FAT3: variants seen among roughly 807,000 people sequenced by gnomAD.
FAT3 encodes protocadherin Fat 3.
In FAT3, 95 loss-of-function variants were observed where a neutral mutation model predicts 310.2. The ratio of observed to expected loss-of-function variants is 0.31; its 90% confidence interval spans 0.26 to 0.36. The LOEUF is 0.36. Among genes scored for constraint, FAT3 ranks in the 10% least tolerant of loss-of-function variants. The pLI, the probability that FAT3 is intolerant of heterozygous loss-of-function variation, is 1.00. For synonymous variants in FAT3, 2,314 were observed against 2,192.9 expected, an observed-to-expected ratio of 1.06 and a Z score of -1.54; for missense variants, 5,408 against 5,715.6, an observed-to-expected ratio of 0.95 and a Z score of 1.74.
intron 4 of FAT3, among the ~76,000 whole-genome samples, chr11:92,702,819 A>G (rs1791556): frequency 0.036 from 5,433 of 152,278 alleles, 332 homozygotes; most frequent in African/African-American, 0.12. Flanking sequence ...GTTCTGATAA[A>G]AGTCTCCCAA....
At chr11:92,415,541 G>T (rs1279370443) in intron 2 of FAT3, among the ~76,000 whole-genome samples, 2 of 152,136 alleles carry the variant, frequency 1.3e-5, no homozygotes, top group Non-Finnish European at 2.9e-5. Context: ...GGCCTTATTA[G>T]ACTGTACTCT....
chr11:92,560,520 C>A lies in FAT3; in HGVS notation c.3607+35572C>A, dbSNP rs556608959. Reference sequence around the variant, plus strand: ...CAGCCCATTGCCAAATCCAAGGTCACAAAAATTTACCCCTGTGTTTTCCTT... The same window carrying A: ...CAGCCCATTGCCAAATCCAAGGTCAAAAAAATTTACCCCTGTGTTTTCCTT... On this transcript the variant is annotated intron_variant, in intron 3 of 27. Coordinates refer to ENST00000525166, the MANE Select transcript of FAT3 (RefSeq NM_001367949.2). Among the ~76,000 whole-genome samples the A allele has an allele frequency of 3.3e-5, 5 of 151,996 alleles. No individual in the cohort carries two copies. In the South Asian group the frequency reaches 8.3e-4, roughly 25 times the overall value.
chr11:92,413,707 C>T (rs1175276840), intron 2 of FAT3, among the ~76,000 whole-genome samples: 4 of 152,258 alleles, frequency 2.6e-5, no homozygotes, highest in South Asian at 4.2e-4. Flanking sequence ...GAAATAGTAT[C>T]GGGGTGGGTT....
intron 3 of FAT3, among the ~76,000 whole-genome samples, chr11:92,562,459 T>C (rs1714325730): frequency 6.6e-6 from 1 of 152,206 alleles, no homozygotes; most frequent in Non-Finnish European, 1.5e-5. Context: ...TCAGTCTTCT[T>C]ACCTGTAAAG....
At chr11:92,397,262 T>A (rs906348076) in intron 2 of FAT3, among the ~76,000 whole-genome samples, 1 of 152,110 alleles carries the variant, frequency 6.6e-6, no homozygotes. Flanking sequence ...AAGCAGTACA[T>A]TTGCCCAGAT....
At chr11:92,861,791 T>C (rs3847550) in intron 21 of FAT3, among the ~76,000 whole-genome samples, 58,949 of 152,168 alleles carry the variant, frequency 0.39, 11,600 homozygotes, top group East Asian at 0.47. Flanking sequence ...AGGTACAGTA[T>C]GTGCCTTGCA....
intron 1 of FAT3, among the ~76,000 whole-genome samples, chr11:92,293,550 A>C (rs1412356211): frequency 5.8e-5 from 1 of 17,120 alleles, no homozygotes; most frequent in African/African-American, 2.1e-4. Context: ...ATATATATAT[A>C]TAAATAAAAT....
At chr11:92,606,305 C>T (rs1940295269) in intron 3 of FAT3, among the ~76,000 whole-genome samples, 1 of 152,164 alleles carries the variant, frequency 6.6e-6, no homozygotes, top group African/African-American at 2.4e-5. Flanking sequence ...TGGCATGAAG[C>T]CACACCATCC....
At chr11:92,796,916 C>A (rs1298632638) in intron 9 of FAT3, among the ~76,000 whole-genome samples, 2 of 152,208 alleles carry the variant, frequency 1.3e-5, no homozygotes, top group African/African-American at 4.8e-5. Context: ...CAGAGCCCTT[C>A]CCCTGCCAGC....
intron 1 of FAT3, among the ~76,000 whole-genome samples, chr11:92,334,976 G>C (rs149074773): frequency 3.3e-4 from 50 of 152,278 alleles, no homozygotes; most frequent in South Asian, 1.0e-3. Context: ...GTGTCACCAG[G>C]ATCTTGATGA....
rs1942995869 is a variant in FAT3, at chr11:92,667,572, T to C, written c.3608-29812T>C. 1.3e-5 allele frequency among the ~76,000 whole-genome samples: 2 copies of C among 152,210 alleles called. 1 individual carries two copies. The highest frequency in any genetic ancestry group is 2.9e-5 in the Non-Finnish European group (2 of 68,036). Reference sequence around the variant, plus strand: ...CAGAGTGCTGACAGTCAAGATCTTATTGAATGGGGCTGCCTGCAGAGGAGC... The same window carrying C: ...CAGAGTGCTGACAGTCAAGATCTTACTGAATGGGGCTGCCTGCAGAGGAGC... On this transcript the variant is annotated intron_variant, in intron 3 of 27. Transcript: ENST00000525166.
intron 3 of FAT3, among the ~76,000 whole-genome samples, chr11:92,533,963 G>A (rs4753063): frequency 0.5 from 76,120 of 151,942 alleles, 19,291 homozygotes; most frequent in Non-Finnish European, 0.55. Context: ...GATTGATTAA[G>A]GTCATAAATT....
intron 2 of FAT3, among the ~76,000 whole-genome samples, chr11:92,410,328 G>A (rs997767971): frequency 2.6e-5 from 4 of 151,956 alleles, no homozygotes; most frequent in East Asian, 1.9e-4. Context: ...GTGTGTGCAC[G>A]CGAGTGAGAG....
chr11:92,821,642 G>A (rs1187011733), intron 13 of FAT3, among the ~76,000 whole-genome samples: 1 of 152,160 alleles, frequency 6.6e-6, no homozygotes, highest in Non-Finnish European at 1.5e-5. Context: ...TCTGTTTTAA[G>A]TCTTTCTCTA....
chr11:92,544,344 C>G (rs1954550380), intron 3 of FAT3, among the ~76,000 whole-genome samples: 1 of 151,992 alleles, frequency 6.6e-6, no homozygotes, highest in Non-Finnish European at 1.5e-5. Context: ...TTGTACATTT[C>G]AAAATAGCTA....
intron 2 of FAT3, among the ~76,000 whole-genome samples, chr11:92,382,482 T>C (rs917933301): frequency 7.2e-5 from 11 of 152,160 alleles, no homozygotes; most frequent in Non-Finnish European, 1.5e-4. Context: ...AAACCTTTCC[T>C]TTCCTGACGG....
chr11:92,816,800 AC>A (rs1947837027), intron 13 of FAT3, among the ~76,000 whole-genome samples: 1 of 151,880 alleles, frequency 6.6e-6, no homozygotes, highest in Admixed American at 6.6e-5. Flanking sequence ...ACATGGTAAA[AC>A]CCCATCTCTA....
chr11:92,752,183 A>G (rs1945847488), intron 4 of FAT3, among the ~76,000 whole-genome samples: 1 of 152,376 alleles, frequency 6.6e-6, no homozygotes, highest in African/African-American at 2.4e-5. Context: ...ATAATATGTT[A>G]TTGCAGCATG....
At chr11:92,259,838 T>C (rs1865468803) in intron 1 of FAT3, among the ~76,000 whole-genome samples, 1 of 152,168 alleles carries the variant, frequency 6.6e-6, no homozygotes, top group South Asian at 2.1e-4. Flanking sequence ...CTCCAGCTTT[T>C]AAAGGAAGAG....
Sources: allele counts gnomAD v4.1 joint callset (sites outside exome capture counted in the v4.1 genomes callset), GRCh38; gene constraint gnomAD v4.1.1; transcripts MANE v1.5; gene names NCBI Gene and HGNC (gene_info 2026-07-23, HGNC 2026-07-21).